TTC17: variants seen among roughly 807,000 people sequenced by gnomAD.
The protein encoded by TTC17 is tetratricopeptide repeat protein 17.
In TTC17, 58 loss-of-function variants were observed where a neutral mutation model predicts 143.8. The observed-to-expected ratio is 0.40, with a 90% CI of 0.33 to 0.50. The LOEUF is 0.50. Among genes scored for constraint, TTC17 ranks in the 20% least tolerant of loss-of-function variants. The pLI, the probability that TTC17 is intolerant of heterozygous loss-of-function variation, is 0.49. For missense variants in TTC17, 1,273 were observed against 1,392.5 expected (o/e 0.91, Z 1.37); for synonymous variants, 501 against 497.8 (o/e 1.01, Z -0.09).
chr11:43,469,038 CAA>C lies in TTC17; in HGVS notation c.3030+17774_3030+17775del, dbSNP rs1322422527. Among the ~76,000 whole-genome samples, 9 of 152,054 alleles carry C rather than the reference CAA, an allele frequency of 5.9e-5. 1 individual carries two copies. Among genetic ancestry groups the C allele is most frequent in the Admixed American group, 2.6e-4 (4 of 15,286 alleles). On this transcript the variant is annotated intron_variant, in intron 21 of 23. Transcript: ENST00000039989. ...TACAATTTAGTAATTTTTAAAAAGA[CAA>C]CGCAATTTTTTAAAGGTGAGTTTTG...
intron 22 of TTC17, 87 bp from the exon 23 acceptor site, chr11:43,491,933 C>G (rs1485319950): frequency 1.3e-6 from 2 of 1,541,258 alleles, no homozygotes; most frequent in Non-Finnish European, 1.8e-6. Flanking sequence ...CCAGGAAACA[C>G]AGACTGTATT....
chr11:43,489,653 G>C (rs1218028257), intron 21 of TTC17: 1 of 151,516 alleles, frequency 6.6e-6, no homozygotes, highest in Admixed American at 6.6e-5. Flanking sequence ...CAGAAGAATC[G>C]CTTGAACCTG....
chr11:43,407,115 C>T, intron 13 of TTC17, 23 bp from the exon 14 acceptor site: 3 of 1,493,048 alleles, frequency 2.0e-6, no homozygotes, highest in Non-Finnish European at 2.7e-6. Flanking sequence ...TCAATTGAGT[C>T]AGTCTTCCTT....
intron 1 of TTC17, among the ~76,000 whole-genome samples, chr11:43,361,583 A>G (rs1856105759): frequency 6.6e-6 from 1 of 152,240 alleles, no homozygotes; most frequent in South Asian, 2.1e-4. Context: ...GAAAGTGAAA[A>G]ACAGAATGGT....
At chr11:43,421,099 CAG>C (rs1488941480) in intron 16 of TTC17, among the ~76,000 whole-genome samples, 1 of 151,992 alleles carries the variant, frequency 6.6e-6, no homozygotes, top group African/African-American at 2.4e-5. Context: ...TAGAGGGAAA[CAG>C]AGAGTAGATA....
intron 22 of TTC17, chr11:43,490,713 A>G (rs1948458547): frequency 6.4e-6 from 1 of 156,354 alleles, no homozygotes; most frequent in African/African-American, 2.4e-5. Flanking sequence ...GCTTGTCATC[A>G]GGGGCCTGGT....
chr11:43,470,917 T>C (rs901042505), intron 21 of TTC17, among the ~76,000 whole-genome samples: 9 of 152,244 alleles, frequency 5.9e-5, no homozygotes, highest in Admixed American at 2.6e-4. Flanking sequence ...TCCTGTTTAC[T>C]AAAGGGTCCC....
chr11:43,418,062 A>G (rs1247573317), intron 16 of TTC17, among the ~76,000 whole-genome samples: 1 of 152,214 alleles, frequency 6.6e-6, no homozygotes, highest in African/African-American at 2.4e-5. Flanking sequence ...ACTTGTAAAT[A>G]CTGTTTTGTT....
At chr11:43,451,124 A>G in intron 20 of TTC17, 58 bp from the exon 21 acceptor site, 2 of 1,541,788 alleles carry the variant, frequency 1.3e-6, no homozygotes, top group Non-Finnish European at 1.8e-6. Context: ...CATTAGCAGT[A>G]TCATCTAGAT....
rs143080094 is a variant in TTC17 at position 43,401,514 on chromosome 11, C to T, written c.1288C>T (p.Arg430Cys). 1.2e-5 allele frequency: 19 copies of T among 1,613,532 alleles called. No individual in the cohort carries two copies. Among genetic ancestry groups the T allele is most frequent in the South Asian group, 3.3e-5 (3 of 90,928 alleles). Residue 430 changes from arginine to cysteine, a missense_variant, in exon 10 of 24, where the codon CGC (arginine) becomes TGC (cysteine). Transcript: ENST00000039989. Reference protein sequence around the residue: ...SLHCQWDQPVRYHRGDIFENV... With the variant: ...SLHCQWDQPVCYHRGDIFENV... ...ACATTGCCAGTGGGACCAGCCTGTA[C>T]GCTATCATCGTGGAGATATCTTTGA... is the stretch of plus-strand genomic sequence containing the variant.
At chr11:43,401,216 A>G (rs546067747) in intron 9 of TTC17, among the ~76,000 whole-genome samples, 6 of 152,352 alleles carry the variant, frequency 3.9e-5, no homozygotes, top group African/African-American at 1.4e-4. Flanking sequence ...ATACCTCAGT[A>G]ATCATCTAGT....
intron 21 of TTC17, among the ~76,000 whole-genome samples, chr11:43,480,437 AG>A (rs1948264903): frequency 6.6e-6 from 1 of 152,212 alleles, no homozygotes; most frequent in South Asian, 2.1e-4. Flanking sequence ...CAATGAAGAA[AG>A]AATAAAGATA....
intron 1 of TTC17, among the ~76,000 whole-genome samples, chr11:43,372,013 G>A (rs756662608): frequency 2.0e-5 from 3 of 152,044 alleles, no homozygotes; most frequent in Non-Finnish European, 4.4e-5. Context: ...TCAAGGTTAC[G>A]GTGAACTATG....
chr11:43,451,553 G>A (rs992541887), intron 21 of TTC17, among the ~76,000 whole-genome samples: 4 of 152,112 alleles, frequency 2.6e-5, no homozygotes, highest in Admixed American at 2.6e-4. Flanking sequence ...TGGAAACCAT[G>A]GAATCTAGGT....
intron 5 of TTC17, among the ~76,000 whole-genome samples, chr11:43,395,847 G>A (rs1410765826): frequency 6.6e-6 from 1 of 152,024 alleles, no homozygotes; most frequent in African/African-American, 2.4e-5. Context: ...TTCAAAACTG[G>A]TTTGTAATAT....
At chr11:43,414,461 A>G in intron 15 of TTC17, 129 bp from the exon 16 acceptor site, 1 of 914,700 alleles carries the variant, frequency 1.1e-6, no homozygotes, top group Admixed American at 2.5e-5. Flanking sequence ...GGTATGAATA[A>G]AATGGATAGT....
rs777458379 is a variant in TTC17, at chr11:43,359,027, C to T, written c.73C>T (p.Leu25Phe). The T allele has an allele frequency of 1.1e-5, 18 of 1,591,608 alleles. No homozygotes were observed. Among genetic ancestry groups the T allele is most frequent in the Admixed American group, 3.5e-5 (2 of 57,854 alleles). The change falls in exon 1 of 24, where the codon CTT becomes TTT. Residue 25 changes from leucine to phenylalanine, a missense_variant. Coordinates refer to ENST00000039989, the MANE Select transcript of TTC17 (RefSeq NM_018259.6). ...CTCCGGCCCAGGCTGGCTCCTCAGC[C>T]TTTCCGCCTTGCTGAGTGTGGCGGC... The part of the protein sequence containing the change: ...PCSGPGWLLS[L>F]SALLSVAARG...
intron 19 of TTC17, chr11:43,448,638 A>G (rs921111523): frequency 3.9e-5 from 6 of 152,476 alleles, no homozygotes; most frequent in Non-Finnish European, 5.8e-5. Context: ...AGACTGATCT[A>G]CTCCCAAAAT....
chr11:43,411,072 A>C (rs529654881), intron 15 of TTC17, among the ~76,000 whole-genome samples: 4 of 152,162 alleles, frequency 2.6e-5, no homozygotes, highest in Admixed American at 6.5e-5. Context: ...AAAAAGTCAA[A>C]TGTTGTTATT....
Sources: allele counts gnomAD v4.1 joint callset (sites outside exome capture counted in the v4.1 genomes callset), GRCh38; gene constraint gnomAD v4.1.1; transcripts MANE v1.5; gene names NCBI Gene and HGNC (gene_info 2026-07-23, HGNC 2026-07-21).